VWA3A: variants seen among roughly 807,000 people sequenced by gnomAD.
VWA3A encodes von Willebrand factor A domain containing 3A, also known as von Willebrand factor A domain-containing protein 3A.
VWA3A carries 134 observed loss-of-function variants against 160.4 expected under a neutral mutation model. That is an observed-to-expected ratio of 0.84 (90% CI 0.73 to 0.96). VWA3A has a LOEUF of 0.96. VWA3A is among the 40% of genes least tolerant of loss of function. The probability of loss-of-function intolerance (pLI) is 0.00; values close to 1 mark genes in which losing one functional copy is unlikely to be tolerated. For synonymous variants in VWA3A, 476 were observed against 543.4 expected, an observed-to-expected ratio of 0.88 and a Z score of 1.72; for missense variants, 1,310 against 1,447.9, an observed-to-expected ratio of 0.90 and a Z score of 1.55.
intron 28 of VWA3A, among the ~76,000 whole-genome samples, chr16:22,149,226 T>C (rs2046306328): frequency 6.6e-6 from 1 of 151,822 alleles, no homozygotes; most frequent in Non-Finnish European, 1.5e-5. Context: ...TGAGATAGGA[T>C]TGTTTGGGTT....
At position 22,132,905 on chromosome 16, in the gene VWA3A, A is replaced by G; in HGVS notation, c.1878A>G (p.Thr626=). ...TACCTTCTCTTCCCCACCAGCCTAC[A>G]CTCAGTGCCTACATGGCTGAGGCCT... ...TGGIPDQDMP[T]LSAYMAEACG... is the part of the protein sequence containing the mutation. Residue 626 remains threonine, a synonymous_variant, in exon 20 of 34, where the codon ACA becomes ACG. Coordinates refer to ENST00000389398, the MANE Select transcript of VWA3A (RefSeq NM_173615.5). 1 of 1,612,892 alleles carries G rather than the reference A, an allele frequency of 6.2e-7. No individual in the cohort carries two copies. The highest frequency in any genetic ancestry group is 8.5e-7 in the Non-Finnish European group (1 of 1,179,700).
rs756798290 is a variant in VWA3A at position 22,138,458 on chromosome 16, T to C, written c.2238T>C (p.Ser746=). 8.7e-6 allele frequency: 14 copies of C among 1,613,358 alleles called. No homozygotes were observed. Among genetic ancestry groups the C allele is most frequent in the Admixed American group, 5.0e-5 (3 of 59,942 alleles). The change falls in exon 22 of 34, where the codon AGT becomes AGC. Residue 746 remains serine, a synonymous_variant. Coordinates refer to ENST00000389398, the MANE Select transcript of VWA3A (RefSeq NM_173615.5). The part of the protein sequence containing the change: ...KEKPKTLQLR[S]QPKKLCPPRP... ...AACCAAAGACACTTCAGCTAAGAAG[T>C]CAGCCCAAGAAGCTCTGCCCTCCCA... is the stretch of plus-strand genomic sequence containing the variant.
intron 10 of VWA3A, 62 bp from the exon 11 acceptor site, chr16:22,117,049 G>A: frequency 6.5e-7 from 1 of 1,532,512 alleles, no homozygotes; most frequent in Non-Finnish European, 8.9e-7. Context: ...CAGTCAAGGA[G>A]AAGGCTTACT....
intron 22 of VWA3A, among the ~76,000 whole-genome samples, chr16:22,139,251 C>T (rs2046100057): frequency 6.6e-6 from 1 of 152,196 alleles, no homozygotes; most frequent in African/African-American, 2.4e-5. Context: ...CCAGCTCAGG[C>T]ACTTCGCCCC....
At chr16:22,152,310 G>C (rs1278203629) in intron 30 of VWA3A, among the ~76,000 whole-genome samples, 1 of 152,180 alleles carries the variant, frequency 6.6e-6, no homozygotes, top group African/African-American at 2.4e-5. Flanking sequence ...CTTCCCTCAA[G>C]CAGCAGCAGT....
rs2046249693 is a variant in VWA3A at position 22,146,305 on chromosome 16, T to C, written c.2800T>C (p.Leu934=). The C allele has an allele frequency of 6.2e-7, 1 of 1,613,394 alleles. No individual in the cohort carries two copies. The highest frequency in any genetic ancestry group is 1.1e-5 in the South Asian group (1 of 91,028). ...GTACATCAGGCACTTGGAGAAGGTG[T>C]TAAGGCGCTATGTCCAGAGGCTGCA... ...EVYIRHLEKV[L]RRYVQRLQWL... Residue 934 remains leucine, a synonymous_variant, in exon 27 of 34, where the codon TTA becomes CTA. Coordinates refer to ENST00000389398, the MANE Select transcript of VWA3A (RefSeq NM_173615.5).
intron 22 of VWA3A, 24 bp downstream of exon 22, chr16:22,138,536 C>T (rs148568068): frequency 4.6e-5 from 74 of 1,612,922 alleles, no homozygotes; most frequent in African/African-American, 3.9e-4. Flanking sequence ...CCTAATAACA[C>T]GCAGAAGATT....
At position 22,133,035 on chromosome 16, in the gene VWA3A, G is replaced by A. The variant is rs375788916; in HGVS notation, c.2008G>A (p.Ala670Thr). Reference sequence around the variant, plus strand: ...CTATGCCAGTCACACTGACACAGCCGCCGCCTACAAGGAGGTCACCCGGGC... The same window carrying A: ...CTATGCCAGTCACACTGACACAGCCACCGCCTACAAGGAGGTCACCCGGGC... ...ARYASHTDTA[A>T]AYKEVTRAAG... is the part of the protein sequence containing the mutation. Residue 670 changes from alanine to threonine, a missense_variant, in exon 20 of 34, where the codon GCC becomes ACC. Transcript: ENST00000389398. 40 of 1,613,688 alleles carry A rather than the reference G, an allele frequency of 2.5e-5. No homozygotes were observed. Among genetic ancestry groups the A allele is most frequent in the Admixed American group, 1.0e-4 (6 of 59,958 alleles).
At chr16:22,098,881 C>T (rs2141832279) in intron 3 of VWA3A, among the ~76,000 whole-genome samples, 1 of 139,848 alleles carries the variant, frequency 7.2e-6, no homozygotes, top group South Asian at 2.3e-4. Context: ...TTGAGGCCAG[C>T]CTGGGCAACA....
chr16:22,102,988 C>T (rs1468536150), intron 5 of VWA3A, among the ~76,000 whole-genome samples: 4 of 152,218 alleles, frequency 2.6e-5, no homozygotes, highest in Non-Finnish European at 4.4e-5. Flanking sequence ...TAGAGCAGCA[C>T]CTATACACTC....
Position 22,100,468 on chromosome 16 carries a change from C to A in VWA3A, c.403C>A (p.Arg135Ser), listed in dbSNP as rs372471067. The stretch of plus-strand genomic sequence containing the variant: ...AATATGTTTCTCCACCCAGATCATC[C>A]GCCATTTTGAGTCAAAGCTTTCTGA... ...QKICFSTQII[R>S]HFESKLSDTI... Residue 135 changes from arginine to serine, a missense_variant, in exon 5 of 34, where the codon CGC (arginine) becomes AGC (serine). Coordinates refer to ENST00000389398, the MANE Select transcript of VWA3A (RefSeq NM_173615.5). 6 of 1,551,578 alleles carry A rather than the reference C, an allele frequency of 3.9e-6. No individual in the cohort carries two copies. The South Asian group carries it at 7.1e-5, about 18-fold the overall frequency.
chr16:22,142,254 T>C (rs1222805009), intron 24 of VWA3A, among the ~76,000 whole-genome samples: 3 of 152,128 alleles, frequency 2.0e-5, no homozygotes, highest in Non-Finnish European at 4.4e-5. Context: ...TCATTTGTGC[T>C]TGGAATACCC....
chr16:22,135,777 G>GTTTTGTT (rs35987407), intron 21 of VWA3A, among the ~76,000 whole-genome samples: 56 of 152,042 alleles, frequency 3.7e-4, no homozygotes, highest in African/African-American at 1.2e-3. Context: ...ATTAGTTAGG[G>GTTTTGTT]TTTTGTTTTT....
intron 3 of VWA3A, 118 bp downstream of exon 3, chr16:22,097,813 T>C: frequency 2.3e-6 from 3 of 1,324,214 alleles, no homozygotes; most frequent in Non-Finnish European, 3.1e-6. Context: ...GAAAAAGGAG[T>C]AATTAAGCAT....
In VWA3A at chr16:22,149,813, G is replaced by A; in HGVS notation, c.3011G>A (p.Ser1004Asn). ...DSFNLLSFAE[S>N]FQSWQDTLVE... Reference sequence around the variant, plus strand: ...TTTAACCTGCTCAGCTTTGCAGAGAGCTTTCAGTCATGGCAGGACACGCTG... The same window carrying A: ...TTTAACCTGCTCAGCTTTGCAGAGAACTTTCAGTCATGGCAGGACACGCTG... The change falls in exon 29 of 34, where the codon AGC becomes AAC. Residue 1004 changes from serine (S) to asparagine (N), a missense_variant. Coordinates refer to ENST00000389398, the MANE Select transcript of VWA3A (RefSeq NM_173615.5). The A allele has an allele frequency of 6.2e-7, 1 of 1,609,226 alleles. No homozygotes were observed. Among genetic ancestry groups the A allele is most frequent in the African/African-American group, 1.3e-5 (1 of 74,936 alleles).
intron 17 of VWA3A, among the ~76,000 whole-genome samples, chr16:22,130,945 A>G (rs2045935968): frequency 6.6e-6 from 1 of 152,120 alleles, no homozygotes; most frequent in South Asian, 2.1e-4. Flanking sequence ...AGGGGAGGTT[A>G]AAGAGGGGGC....
intron 17 of VWA3A, among the ~76,000 whole-genome samples, chr16:22,130,545 C>G (rs1344115516): frequency 6.6e-6 from 1 of 152,096 alleles, no homozygotes; most frequent in African/African-American, 2.4e-5. Context: ...ATCCTCTTCT[C>G]AAAGATCTTA....
At chr16:22,120,737 C>T (rs1294649692) in intron 12 of VWA3A, among the ~76,000 whole-genome samples, 1 of 152,090 alleles carries the variant, frequency 6.6e-6, no homozygotes, top group Non-Finnish European at 1.5e-5. Context: ...GAGCCAGGAG[C>T]ATGGGCCACT....
chr16:22,111,152 G>A (rs2045547086), intron 8 of VWA3A, among the ~76,000 whole-genome samples, 158 bp downstream of exon 8: 1 of 152,088 alleles, frequency 6.6e-6, no homozygotes, highest in Non-Finnish European at 1.5e-5. Context: ...TTTTTGGAAA[G>A]ATGTCTACCC....
Sources: allele counts gnomAD v4.1 joint callset (sites outside exome capture counted in the v4.1 genomes callset), GRCh38; gene constraint gnomAD v4.1.1; transcripts MANE v1.5; gene names NCBI Gene and HGNC (gene_info 2026-07-23, HGNC 2026-07-21).